The following LHX8 variants were observed in gnomAD, a reference collection of about 807,000 sequenced individuals.
LHX8 encodes the protein LIM/homeobox protein Lhx8.
LHX8 carries 12 observed loss-of-function variants against 40.3 expected under a neutral mutation model. The observed-to-expected ratio is 0.30, with a 90% CI of 0.19 to 0.48. The LOEUF (loss-of-function observed/expected upper bound fraction) is 0.48, where lower values mean the gene tolerates loss of function less well. Ranked by LOEUF, LHX8 falls within the 20% of genes least tolerant of loss-of-function variation. The pLI, the probability that LHX8 is intolerant of heterozygous loss-of-function variation, is 0.99. For missense variants in LHX8, 344 were observed against 433.7 expected (o/e 0.79, Z 1.84); for synonymous variants, 179 against 162.0 (o/e 1.10, Z -0.80).
the LHX8 span, among the ~76,000 whole-genome samples, chr1:75,193,014 C>T: frequency 3.9e-5 from 6 of 152,098 alleles, no homozygotes. Flanking sequence ...TTACATTTTT[C>T]ATTTGAATGT....
chr1:75,141,706 T>C (rs143169955), intron 4 of LHX8, among the ~76,000 whole-genome samples: 1,882 of 152,300 alleles, frequency 0.012, 27 homozygotes, highest in Middle Eastern at 0.062. Context: ...GCGTGTGATC[T>C]CTGTGTAGTT....
chr1:75,147,314 C>G (rs573480960), intron 6 of LHX8, among the ~76,000 whole-genome samples: 2 of 152,236 alleles, frequency 1.3e-5, no homozygotes, highest in Admixed American at 6.5e-5. Flanking sequence ...TTTTTCTACA[C>G]TGTCTTCAGA....
the LHX8 span, among the ~76,000 whole-genome samples, chr1:75,183,969 T>C: frequency 0.12 from 17,506 of 150,166 alleles, 1,653 homozygotes; most frequent in African/African-American, 0.26. Context: ...AAAAGCCAGA[T>C]TTGCAATCCT....
the LHX8 span, among the ~76,000 whole-genome samples, chr1:75,174,192 G>A: frequency 6.6e-6 from 1 of 152,104 alleles, no homozygotes; most frequent in Non-Finnish European, 1.5e-5. Context: ...TTTGGCTCTT[G>A]TGCCAAAAGA....
At chr1:75,183,394 T>A in the LHX8 span, among the ~76,000 whole-genome samples, 1 of 151,834 alleles carries the variant, frequency 6.6e-6, no homozygotes, top group African/African-American at 2.4e-5. Context: ...GCAGGTCACC[T>A]ACAAAGGGAA....
Position 75,150,233 on chromosome 1 carries a change from C to T in LHX8, c.780+1551C>T, listed in dbSNP as rs116335408. 9.3e-3 allele frequency among the ~76,000 whole-genome samples: 1,420 copies of T among 152,192 alleles called. 29 individuals carry two copies. The highest frequency in any genetic ancestry group is 0.032 in the African/African-American group (1,340 of 41,534). On this transcript the variant is annotated intron_variant, in intron 7 of 8. Coordinates refer to ENST00000356261, the MANE Select transcript of LHX8 (RefSeq NM_001256114.2). ...AGCCTGGGTGATGGAGTAAGATCCTCTCTCAAAAAAGTCAGTGACTTATAA... is the reference window on the plus strand; with the variant it reads ...AGCCTGGGTGATGGAGTAAGATCCTTTCTCAAAAAAGTCAGTGACTTATAA...
At chr1:75,128,627 T>A (rs1647886289) in intron 1 of LHX8, 1 of 152,148 alleles carries the variant, frequency 6.6e-6, no homozygotes, top group Non-Finnish European at 1.5e-5. Context: ...GGGCTTTGGA[T>A]AAATTAAAGT....
At chr1:75,130,711 G>A, upstream of LHX8, 5 of 1,614,068 alleles carry the variant, frequency 3.1e-6, no homozygotes, top group Non-Finnish European at 3.4e-6. Context: ...ATCTCTGAGG[G>A]GTTATGCAGA....
At chr1:75,132,962 C>T (rs1047510506), upstream of LHX8, 1 of 152,178 alleles carries the variant, frequency 6.6e-6, no homozygotes, top group Non-Finnish European at 1.5e-5. Context: ...ATTTCTCCAC[C>T]ACCCCCAATA....
the LHX8 span, among the ~76,000 whole-genome samples, chr1:75,185,142 A>C: frequency 6.6e-6 from 1 of 151,916 alleles, no homozygotes. Flanking sequence ...AAAGCTCAGG[A>C]CCAGACAGAT....
At chr1:75,181,141 T>C in the LHX8 span, among the ~76,000 whole-genome samples, 2 of 152,196 alleles carry the variant, frequency 1.3e-5, no homozygotes, top group African/African-American at 2.4e-5. Flanking sequence ...CTGGGAGGTT[T>C]CTCCAAGTTA....
At chr1:75,169,169 C>G in the LHX8 span, among the ~76,000 whole-genome samples, 1 of 152,170 alleles carries the variant, frequency 6.6e-6, no homozygotes, top group African/African-American at 2.4e-5. Context: ...CTCTCCCCTA[C>G]TCCCCTACTC....
chr1:75,186,384 C>T, the LHX8 span, among the ~76,000 whole-genome samples: 1 of 152,118 alleles, frequency 6.6e-6, no homozygotes, highest in African/African-American at 2.4e-5. Flanking sequence ...AGAAATAAGG[C>T]TGCACACCTA....
intron 6 of LHX8, among the ~76,000 whole-genome samples, chr1:75,147,850 T>G (rs1648502817): frequency 6.6e-6 from 1 of 152,340 alleles, no homozygotes; most frequent in South Asian, 2.1e-4. Flanking sequence ...TCTTCTCCCT[T>G]TATCTTTTAT....
At chr1:75,198,500 T>A in the LHX8 span, among the ~76,000 whole-genome samples, 1 of 152,154 alleles carries the variant, frequency 6.6e-6, no homozygotes, top group African/African-American at 2.4e-5. Context: ...GGGGCTTGCT[T>A]CAGTTGTCAG....
At chr1:75,134,346 C>T (rs932490170), upstream of LHX8, among the ~76,000 whole-genome samples, 1 of 146,540 alleles carries the variant, frequency 6.8e-6, no homozygotes, top group African/African-American at 2.5e-5. Context: ...GAAAACAAAA[C>T]TTTTTTTTTT....
chr1:75,198,010 T>G, the LHX8 span, among the ~76,000 whole-genome samples: 1 of 152,180 alleles, frequency 6.6e-6, no homozygotes, highest in African/African-American at 2.4e-5. Flanking sequence ...GACATTCAAT[T>G]TGCCAACTTC....
chr1:75,174,892 G>A, the LHX8 span, among the ~76,000 whole-genome samples: 218 of 151,870 alleles, frequency 1.4e-3, no homozygotes, highest in African/African-American at 5.0e-3. Context: ...TGGTGATTTC[G>A]GAGATTTTGG....
At chr1:75,177,221 G>A in the LHX8 span, among the ~76,000 whole-genome samples, 1 of 152,138 alleles carries the variant, frequency 6.6e-6, no homozygotes, top group South Asian at 2.1e-4. Context: ...AAAGTCATTG[G>A]TAGCTTGATG....
Sources: gnomAD v4.1 joint callset for allele counts (sites outside exome capture counted in the v4.1 genomes callset) on GRCh38, gnomAD v4.1.1 for gene constraint, MANE v1.5 for transcripts, NCBI Gene and HGNC (gene_info 2026-07-23, HGNC 2026-07-21) for gene names.